Variants in ESR1 observed in about 807,000 individuals in gnomAD.
The protein encoded by ESR1 is estrogen receptor 1.
Under a neutral mutation model 52.7 loss-of-function variants are expected in ESR1, and 12 were observed. The observed-to-expected ratio is 0.23, with a 90% confidence interval of 0.15 to 0.37. The LOEUF is 0.37. Among genes scored for constraint, ESR1 ranks in the 10% least tolerant of loss-of-function variants. The probability of loss-of-function intolerance (pLI) is 1.00; values close to 1 mark genes in which losing one functional copy is unlikely to be tolerated. For missense variants in ESR1, 584 were observed against 779.7 expected, an observed-to-expected ratio of 0.75 and a Z score of 2.99; for synonymous variants, 305 against 316.8, an observed-to-expected ratio of 0.96 and a Z score of 0.39.
chr6:151,778,461 G>A (rs555166574), intron 2 of ESR1, among the ~76,000 whole-genome samples: 16 of 150,198 alleles, frequency 1.1e-4, no homozygotes, highest in South Asian at 8.4e-4. Context: ...GCTGGATGGC[G>A]GTGGCATGAT....
intron 3 of ESR1, among the ~76,000 whole-genome samples, chr6:151,943,386 A>G (rs373960686): frequency 6.8e-6 from 1 of 146,172 alleles, no homozygotes; most frequent in Non-Finnish European, 1.5e-5. Context: ...TCTTAAAAAA[A>G]AAACAAAAAA....
chr6:151,797,600 G>T (rs1776833421), intron 2 of ESR1, among the ~76,000 whole-genome samples: 1 of 152,206 alleles, frequency 6.6e-6, no homozygotes, highest in Admixed American at 6.5e-5. Context: ...TATGTTCCAT[G>T]ACATCCATAA....
At chr6:151,886,791 A>G (rs1018110619) in intron 3 of ESR1, among the ~76,000 whole-genome samples, 2 of 152,152 alleles carry the variant, frequency 1.3e-5, no homozygotes, top group African/African-American at 4.8e-5. Flanking sequence ...CTGTAATCCC[A>G]GCATTTTGGG....
At position 151,679,831 on chromosome 6, in the gene ESR1, C is replaced by T. The variant is rs1043298046; in HGVS notation, n.74-22044C>T. Among the ~76,000 whole-genome samples, 3 of 152,290 alleles carry T rather than the reference C, an allele frequency of 2.0e-5. No homozygotes were observed. In the South Asian group the frequency reaches 6.2e-4, roughly 32 times the overall value. ...TGCTACTGTTCTGAGCTGTTTATGT[C>T]CAGAATGCTCTTCCAGCAGTTAGCT... On this transcript the variant is annotated intron_variant and non_coding_transcript_variant, in intron 1 of 2. Transcript: ENST00000473497.
At chr6:151,835,401 G>A (rs754122486) in intron 1 of ESR1, among the ~76,000 whole-genome samples, 4 of 152,136 alleles carry the variant, frequency 2.6e-5, no homozygotes, top group Admixed American at 6.5e-5. Context: ...GAGGGCTGAG[G>A]GCAGAGCCCT....
intron 2 of ESR1, among the ~76,000 whole-genome samples, chr6:151,869,825 A>T (rs1790639706): frequency 6.6e-6 from 1 of 152,244 alleles, no homozygotes; most frequent in Non-Finnish European, 1.5e-5. Context: ...AAATAATAAA[A>T]GTAAGATGTC....
At chr6:152,105,503 G>A (rs1224001084), downstream of ESR1, among the ~76,000 whole-genome samples, 1 of 149,580 alleles carries the variant, frequency 6.7e-6, no homozygotes, top group African/African-American at 2.5e-5. Flanking sequence ...TTGGCTCACT[G>A]CAACCTCTGC....
At chr6:151,661,248 T>C (rs1203706554) in intron 1 of ESR1, among the ~76,000 whole-genome samples, 2 of 152,234 alleles carry the variant, frequency 1.3e-5, no homozygotes, top group African/African-American at 2.4e-5. Context: ...TGCAGCTTGG[T>C]ATCATTTCCA....
At chr6:152,122,760 C>T in intron 6 of ESR1, 2 of 1,598,904 alleles carry the variant, frequency 1.3e-6, no homozygotes, top group Non-Finnish European at 1.7e-6. Context: ...TTCCTGGAAG[C>T]TAAAGGGCCA....
intron 4 of ESR1, among the ~76,000 whole-genome samples, chr6:151,947,195 C>T (rs1335153203): frequency 2.0e-5 from 3 of 152,030 alleles, no homozygotes; most frequent in African/African-American, 7.2e-5. Context: ...GGCACACATC[C>T]ATAGTCCCAG....
chr6:151,689,101 T>A (rs1206925726), upstream of ESR1, among the ~76,000 whole-genome samples: 2 of 152,234 alleles, frequency 1.3e-5, no homozygotes, highest in Non-Finnish European at 2.9e-5. Context: ...TTGAGAACTG[T>A]TGCTCTATGT....
chr6:151,803,978 A>G (rs887225547), upstream of ESR1, among the ~76,000 whole-genome samples: 5 of 152,134 alleles, frequency 3.3e-5, no homozygotes, highest in East Asian at 3.9e-4. Flanking sequence ...GACACATTCA[A>G]CGGAGGAGCC....
chr6:151,763,097 T>C (rs1784778454), intron 2 of ESR1, among the ~76,000 whole-genome samples: 1 of 152,014 alleles, frequency 6.6e-6, no homozygotes, highest in Admixed American at 6.6e-5. Context: ...TTACTGAAAG[T>C]TTACATTTTT....
chr6:151,903,714 C>T (rs1450768383), intron 3 of ESR1, among the ~76,000 whole-genome samples: 1 of 152,206 alleles, frequency 6.6e-6, no homozygotes, highest in Non-Finnish European at 1.5e-5. Flanking sequence ...GCCCCTGGCC[C>T]TTGGATTATG....
intron 5 of ESR1, among the ~76,000 whole-genome samples, chr6:152,040,001 C>A (rs544859379): frequency 6.6e-6 from 1 of 152,294 alleles, no homozygotes; most frequent in South Asian, 2.1e-4. Context: ...AGAAGCATTG[C>A]CTGCAGGATA....
chr6:151,694,358 C>A (rs1339917259), intron 1 of ESR1, among the ~76,000 whole-genome samples: 1 of 152,204 alleles, frequency 6.6e-6, no homozygotes, highest in Non-Finnish European at 1.5e-5. Flanking sequence ...TAACATTACA[C>A]CCTCTCTTAG....
intron 5 of ESR1, among the ~76,000 whole-genome samples, chr6:152,043,465 T>A (rs537711067): frequency 6.6e-6 from 1 of 152,292 alleles, no homozygotes; most frequent in Non-Finnish European, 1.5e-5. Context: ...GTAGCGCACC[T>A]CCTTGTGGGT....
intron 4 of ESR1, among the ~76,000 whole-genome samples, chr6:151,998,907 T>C (rs765961353): frequency 5.9e-5 from 9 of 152,128 alleles, no homozygotes; most frequent in Non-Finnish European, 1.3e-4. Flanking sequence ...TGGACTTTTA[T>C]TGGTATCTAA....
rs1310428962 is a variant in ESR1, at chr6:152,122,555, TGAG to T, written c.851-2704_851-2702del. ...ATTGGTACAAGGCAGGCAAGCCCGA[TGAG>T]GAGGAGCAGGAGAAGCTGAAGGGGA... On this transcript the variant is annotated intron_variant, in intron 6 of 6. Coordinates refer to the ESR1 transcript ENST00000427531. 5 of 1,613,956 alleles carry T rather than the reference TGAG, an allele frequency of 3.1e-6. No homozygotes were observed. Among genetic ancestry groups the T allele is most frequent in the Non-Finnish European group, 2.5e-6 (3 of 1,180,018 alleles).
Sources: gnomAD v4.1 joint callset for allele counts (sites outside exome capture counted in the v4.1 genomes callset) on GRCh38, gnomAD v4.1.1 for gene constraint, MANE v1.5 for transcripts, NCBI Gene and HGNC (gene_info 2026-07-23, HGNC 2026-07-21) for gene names.